Variants in ANKRD26 observed in about 807,000 individuals in gnomAD.
ANKRD26 encodes the protein ankyrin repeat domain-containing protein 26.
In ANKRD26, 141 loss-of-function variants were observed where a neutral mutation model predicts 208.7. The observed-to-expected ratio is 0.68, with a 90% CI of 0.59 to 0.78. The LOEUF (loss-of-function observed/expected upper bound fraction) is 0.78. ANKRD26 is among the 30% of genes least tolerant of loss of function. The pLI is 0.00. For synonymous variants in ANKRD26, 636 were observed against 660.4 expected, an observed-to-expected ratio of 0.96 and a Z score of 0.57; for missense variants, 1,889 against 1,938.7, an observed-to-expected ratio of 0.97 and a Z score of 0.48.
At chr10:27,006,822 C>T in intron 33 of ANKRD26, 95 bp downstream of exon 33, 1 of 960,608 alleles carries the variant, frequency 1.0e-6, no homozygotes. Context: ...TATCTATTAG[C>T]CAAACAATGG....
chr10:26,992,646 G>A (rs1213260938), intron 5 of ANKRD26, among the ~76,000 whole-genome samples: 3 of 152,086 alleles, frequency 2.0e-5, no homozygotes, highest in East Asian at 3.8e-4. Context: ...TTGGTTGCAT[G>A]TTGACTTACT....
intron 5 of ANKRD26, 100 bp downstream of exon 5, chr10:27,086,439 C>T: frequency 2.0e-6 from 3 of 1,488,060 alleles, no homozygotes; most frequent in Non-Finnish European, 2.7e-6. Flanking sequence ...ACCTTATACA[C>T]TGATTTTTAA....
intron 29 of ANKRD26, among the ~76,000 whole-genome samples, chr10:27,022,329 C>T (rs1278184359): frequency 2.0e-5 from 3 of 152,080 alleles, no homozygotes; most frequent in Admixed American, 2.0e-4. Flanking sequence ...AGGCTTAATA[C>T]TTGGGTGACA....
At chr10:26,974,163 A>C (rs1205054255) in exon 6 of ANKRD26, among the ~76,000 whole-genome samples, 1 of 151,936 alleles carries the variant, frequency 6.6e-6, no homozygotes, top group Non-Finnish European at 1.5e-5. Flanking sequence ...CCTGAAAAAT[A>C]CTCACCACCC....
chr10:27,047,142 T>C (rs1438765688), intron 17 of ANKRD26, among the ~76,000 whole-genome samples: 1 of 152,208 alleles, frequency 6.6e-6, no homozygotes, highest in African/African-American at 2.4e-5. Context: ...TTAAACATCA[T>C]AATGTTTCAT....
At chr10:26,952,631 A>C in the ANKRD26 span, among the ~76,000 whole-genome samples, 1 of 152,228 alleles carries the variant, frequency 6.6e-6, no homozygotes, top group South Asian at 2.1e-4. Flanking sequence ...ACTCTCTCTT[A>C]AAAAATAATA....
intron 7 of ANKRD26, among the ~76,000 whole-genome samples, chr10:27,078,860 C>G (rs1438974926): frequency 3.4e-5 from 5 of 145,614 alleles, no homozygotes; most frequent in Non-Finnish European, 6.0e-5. Context: ...CTTTTTTTTG[C>G]AATCCCCACT....
At chr10:27,010,866 T>C (rs1398253154) in intron 32 of ANKRD26, among the ~76,000 whole-genome samples, 1 of 152,184 alleles carries the variant, frequency 6.6e-6, no homozygotes, top group African/African-American at 2.4e-5. Context: ...TTCATGACTC[T>C]GAAGCATTTA....
chr10:26,961,685 A>AT, the ANKRD26 span, among the ~76,000 whole-genome samples: 1 of 149,256 alleles, frequency 6.7e-6, no homozygotes, highest in East Asian at 2.5e-4. Flanking sequence ...CTCTACAATA[A>AT]AAATAATAAT....
At chr10:26,990,763 T>C (rs1245922681), downstream of ANKRD26, among the ~76,000 whole-genome samples, 1 of 152,150 alleles carries the variant, frequency 6.6e-6, no homozygotes, top group Non-Finnish European at 1.5e-5. Context: ...TGGTCAAATA[T>C]GATAGAAGAA....
chr10:27,034,853 T>C lies in ANKRD26; in HGVS notation c.3597A>G (p.Glu1199=), dbSNP rs2053991057. ...ACTGTCTTTCTTTTAAGTGATTACA[T>C]TCACTGATTAACTCCTTATTTCTTT... is the stretch of plus-strand genomic sequence containing the variant. ...LEERNKELIS[E]CNHLKERQYQ... The change falls in exon 24 of 34, where the codon GAA becomes GAG. Residue 1199 remains glutamate, a synonymous_variant. Coordinates refer to ENST00000376087, the MANE Select transcript of ANKRD26 (RefSeq NM_014915.3). 1 of 1,612,854 alleles carries C rather than the reference T, an allele frequency of 6.2e-7. No individual in the cohort carries two copies. The highest frequency in any genetic ancestry group is 8.5e-7 in the Non-Finnish European group (1 of 1,179,662).
At chr10:27,034,502 A>T (rs1017744055) in intron 24 of ANKRD26, among the ~76,000 whole-genome samples, 1 of 152,204 alleles carries the variant, frequency 6.6e-6, no homozygotes, top group Admixed American at 6.5e-5. Context: ...CAACATAAAG[A>T]CACTAAAATT....
downstream of ANKRD26, among the ~76,000 whole-genome samples, chr10:26,999,304 A>C (rs1424970800): frequency 6.6e-6 from 1 of 152,220 alleles, no homozygotes; most frequent in African/African-American, 2.4e-5. Flanking sequence ...GCAAATACCC[A>C]GCCAGAGTTT....
chr10:27,082,719 G>A (rs1564424864), intron 6 of ANKRD26, 84 bp downstream of exon 6: 17 of 1,490,854 alleles, frequency 1.1e-5, no homozygotes, highest in African/African-American at 1.4e-5. Flanking sequence ...CACATAATAT[G>A]GTGTCTACCC....
intron 9 of ANKRD26, among the ~76,000 whole-genome samples, chr10:27,074,923 C>A (rs1447042075): frequency 6.6e-6 from 1 of 151,992 alleles, no homozygotes; most frequent in Non-Finnish European, 1.5e-5. Context: ...GGACTGGAGT[C>A]CTATCTATAG....
At chr10:27,095,485 T>C (rs1359497685) in intron 1 of ANKRD26, among the ~76,000 whole-genome samples, 9 of 152,092 alleles carry the variant, frequency 5.9e-5, no homozygotes, top group Non-Finnish European at 8.8e-5. Flanking sequence ...CTGACCAACA[T>C]GGTAAAACCC....
chr10:26,992,507 C>CACACACACAG (rs1554768436), intron 5 of ANKRD26, among the ~76,000 whole-genome samples: 4 of 134,250 alleles, frequency 3.0e-5, no homozygotes, highest in African/African-American at 9.7e-5. Flanking sequence ...CACACACACA[C>CACACACACAG]AGAGAGAAAA....
intron 18 of ANKRD26, among the ~76,000 whole-genome samples, chr10:27,045,078 TTCA>T (rs1416437843): frequency 6.6e-6 from 1 of 152,194 alleles, no homozygotes; most frequent in Non-Finnish European, 1.5e-5. Flanking sequence ...TCTAAAGAAA[TTCA>T]TCAATGTTCA....
intron 3 of ANKRD26, among the ~76,000 whole-genome samples, chr10:26,985,650 T>G (rs1449266938): frequency 6.6e-6 from 1 of 152,182 alleles, no homozygotes; most frequent in Non-Finnish European, 1.5e-5. Flanking sequence ...ATTTTTATAA[T>G]TGTCAAAAGT....
Sources: gnomAD v4.1 joint callset for allele counts (sites outside exome capture counted in the v4.1 genomes callset) on GRCh38, gnomAD v4.1.1 for gene constraint, MANE v1.5 for transcripts, NCBI Gene and HGNC (gene_info 2026-07-23, HGNC 2026-07-21) for gene names.